The following CYREN variants were observed in gnomAD, a reference collection of about 807,000 sequenced individuals.
The protein encoded by CYREN is cell cycle regulator of non-homologous end joining.
Under a neutral mutation model 9.7 loss-of-function variants are expected in CYREN, and 7 were observed. That is an observed-to-expected ratio of 0.72 (90% CI 0.41 to 1.36). The LOEUF is 1.36. Ranked by LOEUF, CYREN falls within the 40% of genes most tolerant of loss-of-function variation. The probability of loss-of-function intolerance (pLI) is 0.01; values close to 1 mark genes in which losing one functional copy is unlikely to be tolerated. For missense variants in CYREN, 215 were observed against 198.1 expected, an observed-to-expected ratio of 1.09 and a Z score of -0.51; for synonymous variants, 76 against 77.9, an observed-to-expected ratio of 0.98 and a Z score of 0.13.
intron 2 of CYREN, among the ~76,000 whole-genome samples, chr7:135,103,138 T>C (rs887706854): frequency 6.6e-6 from 1 of 152,218 alleles, no homozygotes; most frequent in Non-Finnish European, 1.5e-5. Flanking sequence ...AAATAAGTCA[T>C]GGCATTCCAG....
intron 2 of CYREN, among the ~76,000 whole-genome samples, chr7:135,128,291 C>CAAAA (rs61217008): frequency 1.0e-4 from 6 of 58,074 alleles, no homozygotes; most frequent in African/African-American, 4.1e-4. Flanking sequence ...GACTCCATCT[C>CAAAA]AAAAAAAAAA....
intron 2 of CYREN, among the ~76,000 whole-genome samples, chr7:135,110,647 G>A (rs1481267850): frequency 6.6e-6 from 1 of 152,104 alleles, no homozygotes; most frequent in African/African-American, 2.4e-5. Context: ...GCTTTTCTCT[G>A]TTCTCCATGG....
chr7:135,166,452 G>C lies in CYREN; in HGVS notation c.*159C>G. 8.2e-7 allele frequency: 1 copy of C among 1,220,994 alleles called. No homozygotes were observed. The highest frequency in any genetic ancestry group is 1.1e-6 in the Non-Finnish European group (1 of 901,154). The allele number at this position is 1,220,994 out of a possible 1,614,324, so 75.6% of individuals were successfully genotyped here. On this transcript the variant is annotated 3_prime_UTR_variant, in exon 4 of 4. Coordinates refer to ENST00000393114, the MANE Select transcript of CYREN (RefSeq NM_024033.4). ...GCAGCCCCAAGGCCCGGAGTGTCCA[G>C]GGGCTTCTGGCCTGAGGTGAATCTG...
rs1013352854 is a variant in CYREN at position 135,151,167 on chromosome 7, C to A, written n.356+17582G>T. 6.6e-6 allele frequency among the ~76,000 whole-genome samples: 1 copy of A among 152,144 alleles called. No individual in the cohort carries two copies. The highest frequency in any genetic ancestry group is 2.4e-5 in the African/African-American group (1 of 41,430). On this transcript the variant is annotated intron_variant and non_coding_transcript_variant, in intron 2 of 2. Transcript: ENST00000459937. This position sits in a 1 kb window ranked among gnomAD's most constrained non-coding sequence, Gnocchi z 4.3. ...GGAATAATTAAGTAAATCAAAACAT[C>A]ACAGCATTCATTAAAAACTTGGTGG...
At chr7:135,137,209 GAACT>G (rs1336029338) in intron 2 of CYREN, among the ~76,000 whole-genome samples, 1 of 151,208 alleles carries the variant, frequency 6.6e-6, no homozygotes, top group Non-Finnish European at 1.5e-5. Context: ...AGAGAGATGG[GAACT>G]AAGAAACAAA....
downstream of CYREN, chr7:135,165,028 C>A: frequency 1.3e-6 from 2 of 1,539,206 alleles, no homozygotes; most frequent in South Asian, 2.5e-5. Flanking sequence ...GGGTTCAGTT[C>A]CAACCATGGT....
At chr7:135,160,217 T>C (rs1214212785) in intron 2 of CYREN, among the ~76,000 whole-genome samples, 1 of 152,244 alleles carries the variant, frequency 6.6e-6, no homozygotes, top group Non-Finnish European at 1.5e-5. Context: ...TTTAGTCTTT[T>C]CTCTGCACTT....
chr7:135,150,771 T>C (rs1038348983), intron 2 of CYREN, among the ~76,000 whole-genome samples: 5 of 152,146 alleles, frequency 3.3e-5, no homozygotes, highest in Admixed American at 1.3e-4. Context: ...CAGGTGAATT[T>C]CTTGAACCCG....
chr7:135,145,925 A>G (rs1829537606), intron 2 of CYREN, among the ~76,000 whole-genome samples: 1 of 152,234 alleles, frequency 6.6e-6, no homozygotes, highest in Admixed American at 6.5e-5. Context: ...CCTAACGGAC[A>G]TACCTTAATT....
intron 2 of CYREN, among the ~76,000 whole-genome samples, chr7:135,104,258 A>G (rs1267474304): frequency 6.6e-6 from 1 of 152,146 alleles, no homozygotes; most frequent in East Asian, 1.9e-4. Context: ...CATTATTTTC[A>G]TGGCTACATA....
chr7:135,144,314 A>G (rs996766106), intron 2 of CYREN, among the ~76,000 whole-genome samples: 2 of 152,128 alleles, frequency 1.3e-5, no homozygotes, highest in Admixed American at 1.3e-4. Flanking sequence ...ACTGTCACCA[A>G]CCCCAGGTCC....
At chr7:135,093,693 TAG>T in exon 3 of CYREN, 1 of 152,318 alleles carries the variant, frequency 6.6e-6, no homozygotes, top group East Asian at 1.9e-4. Context: ...CTCAAATTGA[TAG>T]ATTCAGTGCA....
chr7:135,128,847 T>C (rs1828325849), intron 2 of CYREN: 13 of 1,204,514 alleles, frequency 1.1e-5, no homozygotes, highest in South Asian at 6.1e-5. Context: ...TGTGGAATCA[T>C]TGTTAAATAT....
At chr7:135,127,325 G>T (rs945854363) in intron 2 of CYREN, among the ~76,000 whole-genome samples, 1 of 151,654 alleles carries the variant, frequency 6.6e-6, no homozygotes, top group Admixed American at 6.6e-5. Flanking sequence ...GGGAGGCCAG[G>T]GTGGGTGGAT....
intron 2 of CYREN, among the ~76,000 whole-genome samples, chr7:135,160,069 C>G (rs927420099): frequency 6.6e-6 from 1 of 152,170 alleles, no homozygotes; most frequent in Admixed American, 6.5e-5. Flanking sequence ...GGAACCATTT[C>G]TAGTTCACAT....
intron 2 of CYREN, among the ~76,000 whole-genome samples, chr7:135,127,483 G>A (rs1166582068): frequency 1.3e-5 from 2 of 151,926 alleles, no homozygotes; most frequent in Non-Finnish European, 2.9e-5. Context: ...AACCCGGGAG[G>A]CGGAGGTTGC....
At chr7:135,137,841 A>C (rs536855704) in intron 2 of CYREN, among the ~76,000 whole-genome samples, 1 of 152,084 alleles carries the variant, frequency 6.6e-6, no homozygotes, top group Non-Finnish European at 1.5e-5. Flanking sequence ...CAGTGAGGGC[A>C]GTCATCTTGG....
chr7:135,128,144 T>C (rs1438346410), intron 2 of CYREN, among the ~76,000 whole-genome samples: 3 of 151,354 alleles, frequency 2.0e-5, no homozygotes, highest in African/African-American at 7.3e-5. Context: ...ATACAAAAAT[T>C]AGCCAGGTGT....
At chr7:135,164,215 T>C (rs1830021809), downstream of CYREN, among the ~76,000 whole-genome samples, 1 of 152,246 alleles carries the variant, frequency 6.6e-6, no homozygotes, top group Non-Finnish European at 1.5e-5. Flanking sequence ...CCTCCTGACC[T>C]CAAATCAGAG....
Sources: gnomAD v4.1 joint callset for allele counts (sites outside exome capture counted in the v4.1 genomes callset) on GRCh38, gnomAD v4.1.1 for gene constraint, Gnocchi (gnomAD v3.1) non-coding constraint, MANE v1.5 for transcripts, NCBI Gene and HGNC (gene_info 2026-07-23, HGNC 2026-07-21) for gene names.